The following IFT140 variants were observed in gnomAD, a reference collection of about 807,000 sequenced individuals.
IFT140 encodes intraflagellar transport 140, also known as intraflagellar transport protein 140 homolog.
A neutral mutation model predicts 164.6 loss-of-function variants in IFT140; 133 were observed. The observed-to-expected ratio is 0.81, with a 90% confidence interval of 0.70 to 0.93. IFT140 has a LOEUF of 0.93. Ranked by LOEUF, IFT140 falls within the 40% of genes least tolerant of loss-of-function variation. IFT140 has a pLI of 0.00. For missense variants in IFT140, 2,045 were observed against 1,972.3 expected (o/e 1.04, Z -0.70); for synonymous variants, 860 against 817.3 (o/e 1.05, Z -0.89).
intron 13 of IFT140, among the ~76,000 whole-genome samples, chr16:1,571,818 G>A (rs559141975): frequency 1.6e-4 from 25 of 152,208 alleles, no homozygotes; most frequent in Non-Finnish European, 2.9e-4. Flanking sequence ...ACAGCAGTGC[G>A]GTCGACAAAC....
chr16:1,556,957 GCAC>G (rs995922942), intron 19 of IFT140, among the ~76,000 whole-genome samples: 31 of 152,164 alleles, frequency 2.0e-4, no homozygotes, highest in African/African-American at 7.0e-4. Context: ...CTTCAGGAAC[GCAC>G]CACAACTGCC....
chr16:1,516,180 A>C (rs1329978628), intron 30 of IFT140, among the ~76,000 whole-genome samples: 2 of 123,452 alleles, frequency 1.6e-5, no homozygotes, highest in African/African-American at 6.4e-5. Flanking sequence ...AAAAAAAAAC[A>C]CCAGAAATGG....
intron 19 of IFT140, among the ~76,000 whole-genome samples, chr16:1,535,495 T>C (rs888688738): frequency 6.6e-6 from 1 of 152,186 alleles, no homozygotes; most frequent in African/African-American, 2.4e-5. Flanking sequence ...GGTTGGACGC[T>C]CCTTCTGCTC....
intron 4 of IFT140, among the ~76,000 whole-genome samples, chr16:1,600,684 T>C (rs2035748207): frequency 6.6e-6 from 1 of 151,882 alleles, no homozygotes; most frequent in Admixed American, 6.6e-5. Flanking sequence ...CGCTGTAAAA[T>C]GAAAAAGCAA....
intron 19 of IFT140, among the ~76,000 whole-genome samples, chr16:1,547,577 C>T (rs2032278435): frequency 6.6e-6 from 1 of 152,144 alleles, no homozygotes; most frequent in South Asian, 2.1e-4. Context: ...CACTCCGATA[C>T]CCAGCCTGGA....
Position 1,518,265 on chromosome 16 carries a change from A to C in IFT140, c.4133T>G (p.Val1378Gly). The change falls in exon 30 of 31, where the codon GTC becomes GGC. Residue 1378 changes from valine to glycine, a missense_variant. Coordinates refer to ENST00000426508, the MANE Select transcript of IFT140 (RefSeq NM_014714.4). ...DLDSTIRIGD[V>G]YGFLVEHYVR... ...GTAGTGCTCCACCAGGAAGCCATAG[A>C]CGTCCCCGATGCGGATGGTGCTGTC... 1 of 1,614,114 alleles carries C rather than the reference A, an allele frequency of 6.2e-7. No homozygotes were observed. Among genetic ancestry groups the C allele is most frequent in the African/African-American group, 1.3e-5 (1 of 75,044 alleles).
At chr16:1,574,831 C>T (rs924724288) in intron 13 of IFT140, among the ~76,000 whole-genome samples, 5 of 152,162 alleles carry the variant, frequency 3.3e-5, no homozygotes, top group African/African-American at 1.2e-4. Context: ...AGGGCTGGGG[C>T]CCCAAAGTTC....
intron 26 of IFT140, among the ~76,000 whole-genome samples, chr16:1,521,672 G>A (rs1269333519): frequency 1.3e-5 from 2 of 151,558 alleles, no homozygotes; most frequent in East Asian, 2.0e-4. Flanking sequence ...GATTACAGGC[G>A]TGAGCCACCA....
intron 13 of IFT140, 151 bp from the exon 14 acceptor site, chr16:1,571,685 G>A (rs1025812893): frequency 5.3e-5 from 46 of 862,974 alleles, no homozygotes; most frequent in Middle Eastern, 3.6e-4. Flanking sequence ...TCATTCACTC[G>A]CTCAGTGTTT....
intron 19 of IFT140, among the ~76,000 whole-genome samples, chr16:1,548,067 C>G (rs2032320367): frequency 6.6e-6 from 1 of 152,242 alleles, no homozygotes; most frequent in Admixed American, 6.5e-5. Context: ...CCAACTTTGG[C>G]TGTTGAGAGC....
intron 19 of IFT140, chr16:1,541,883 C>T: frequency 3.9e-6 from 6 of 1,550,242 alleles, no homozygotes; most frequent in Non-Finnish European, 5.2e-6. Context: ...CTGGAGCCCA[C>T]CTGCACTCAC....
At chr16:1,588,677 C>G (rs2035024264) in intron 7 of IFT140, among the ~76,000 whole-genome samples, 1 of 152,142 alleles carries the variant, frequency 6.6e-6, no homozygotes, top group African/African-American at 2.4e-5. Flanking sequence ...CCTATCATCC[C>G]TGTTTTGTAG....
intron 3 of IFT140, among the ~76,000 whole-genome samples, chr16:1,606,462 CTTT>C (rs887667662): frequency 1.3e-5 from 2 of 152,226 alleles, no homozygotes; most frequent in Non-Finnish European, 2.9e-5. Context: ...ATGTCGTTTT[CTTT>C]TTTTTCTTTT....
chr16:1,520,163 G>A lies in IFT140; in HGVS notation c.3841C>T (p.Leu1281Phe). 1.2e-6 allele frequency: 2 copies of A among 1,614,220 alleles called. No homozygotes were observed. Among genetic ancestry groups the A allele is most frequent in the Non-Finnish European group, 1.7e-6 (2 of 1,180,014 alleles). Residue 1281 changes from leucine (L) to phenylalanine (F), a missense_variant, in exon 28 of 31, where the codon CTC becomes TTC. Transcript: ENST00000426508. ...GFYTKGRALD[L>F]LAGFYDACAQ... ...CAAGCGTCATAAAAGCCAGCCAGGA[G>A]GTCCAGGGCCCGCCCCTTGGTGTAG...
intron 30 of IFT140, 52 bp from the exon 31 acceptor site, chr16:1,511,202 C>T (rs781174742): frequency 2.0e-6 from 3 of 1,494,744 alleles, no homozygotes; most frequent in Non-Finnish European, 2.7e-6. Flanking sequence ...CCAGGCACGA[C>T]CCTCTGCCTG....
At chr16:1,562,965 A>G (rs1043188705) in intron 17 of IFT140, among the ~76,000 whole-genome samples, 1 of 152,144 alleles carries the variant, frequency 6.6e-6, no homozygotes, top group African/African-American at 2.4e-5. Context: ...GAAGAGGTGA[A>G]GGGAAGGCAA....
chr16:1,538,608 G>A (rs569333071), intron 19 of IFT140, among the ~76,000 whole-genome samples: 2 of 152,340 alleles, frequency 1.3e-5, no homozygotes, highest in South Asian at 4.1e-4. Flanking sequence ...CCTTCTGCGT[G>A]ATGTTTTAAT....
Position 1,524,848 on chromosome 16 carries a change from T to A in IFT140, c.2933A>T (p.Tyr978Phe). ...GGAGAAGTGGTCCCGGGCCAGCTCG[T>A]AGTAGTGCAGCGCGGCGTCCATCTC... is the stretch of plus-strand genomic sequence containing the variant. Reference protein sequence around the residue: ...QGEMDAALHYYELARDHFSLV... With the variant: ...QGEMDAALHYFELARDHFSLV... Residue 978 changes from tyrosine (Y) to phenylalanine (F), a missense_variant, in exon 23 of 31, where the codon TAC becomes TTC. By Grantham distance (22) the Tyr-to-Phe change is conservative. Transcript: ENST00000426508. 1 of 1,613,186 alleles carries A rather than the reference T, an allele frequency of 6.2e-7. No individual in the cohort carries two copies. Among genetic ancestry groups the A allele is most frequent in the South Asian group, 1.1e-5 (1 of 91,074 alleles).
At chr16:1,575,716 C>T (rs1055511480) in intron 13 of IFT140, among the ~76,000 whole-genome samples, 6 of 152,118 alleles carry the variant, frequency 3.9e-5, no homozygotes, top group African/African-American at 7.2e-5. Flanking sequence ...TTCACCCTTT[C>T]CCATCATGCC....
Sources: gnomAD v4.1 joint callset for allele counts (sites outside exome capture counted in the v4.1 genomes callset) on GRCh38, gnomAD v4.1.1 for gene constraint, MANE v1.5 for transcripts, NCBI Gene and HGNC (gene_info 2026-07-23, HGNC 2026-07-21) for gene names.